The following CRADD variants were observed in gnomAD, a reference collection of about 807,000 sequenced individuals.
CRADD encodes the protein death domain-containing protein CRADD.
In CRADD, 9 loss-of-function variants were observed where a neutral mutation model predicts 15.5. That is an observed-to-expected ratio of 0.58 (90% CI 0.35 to 1.01). CRADD has a LOEUF of 1.01. Ranked by LOEUF, CRADD falls within the 50% of genes least tolerant of loss-of-function variation. The probability of loss-of-function intolerance (pLI) is 0.02; values close to 1 mark genes in which losing one functional copy is unlikely to be tolerated. For missense variants in CRADD, 227 were observed against 250.3 expected (o/e 0.91, Z 0.63); for synonymous variants, 118 against 107.6 (o/e 1.10, Z -0.60).
intron 2 of CRADD, among the ~76,000 whole-genome samples, chr12:93,860,803 C>T (rs369379279): frequency 7.9e-5 from 12 of 152,124 alleles, no homozygotes; most frequent in Admixed American, 6.5e-5. Context: ...ATGAAACCAG[C>T]GTAACCAATC....
chr12:93,791,695 C>T (rs915510033), intron 2 of CRADD, among the ~76,000 whole-genome samples: 2 of 151,932 alleles, frequency 1.3e-5, no homozygotes, highest in Non-Finnish European at 2.9e-5. Context: ...TATAAGTACA[C>T]GAGGTGATGG....
intron 2 of CRADD, among the ~76,000 whole-genome samples, chr12:93,822,441 G>T (rs966360662): frequency 2.0e-5 from 3 of 152,154 alleles, no homozygotes; most frequent in African/African-American, 4.8e-5. Flanking sequence ...CATCCTCTTT[G>T]TACCACAGTG....
chr12:93,786,358 T>C (rs1020145261), intron 2 of CRADD, among the ~76,000 whole-genome samples: 62 of 152,206 alleles, frequency 4.1e-4, no homozygotes, highest in African/African-American at 1.4e-3. Flanking sequence ...GCTTCAAGTT[T>C]CTTTATCTGT....
At chr12:93,847,709 T>C (rs963698055) in intron 2 of CRADD, among the ~76,000 whole-genome samples, 2 of 152,104 alleles carry the variant, frequency 1.3e-5, no homozygotes, top group Admixed American at 1.3e-4. Context: ...TAAAGAAATG[T>C]ATAACTATTA....
chr12:93,867,681 A>G (rs1451258186), intron 2 of CRADD, among the ~76,000 whole-genome samples: 1 of 152,272 alleles, frequency 6.6e-6, no homozygotes. Flanking sequence ...TAAATGAGGG[A>G]ATGTGAAAGG....
chr12:93,776,895 T>C (rs139118592), intron 2 of CRADD, among the ~76,000 whole-genome samples: 324 of 152,250 alleles, frequency 2.1e-3, no homozygotes, highest in African/African-American at 7.3e-3. Flanking sequence ...ATTTGGGAAA[T>C]GACTCCTGAT....
In CRADD at chr12:93,882,648, A is replaced by G. The variant is rs550272669; in HGVS notation, c.299-11402A>G. ...GTAACTCTCACTTTTCTTCTTAATC[A>G]CCCTTAAAATAAATGTGGCCTCTTT... On this transcript the variant is annotated intron_variant, in intron 2 of 2. Transcript: ENST00000548483. Among the ~76,000 whole-genome samples, 140 of 152,020 alleles carry G rather than the reference A, an allele frequency of 9.2e-4. 1 individual carries two copies. Among genetic ancestry groups the G allele is most frequent in the African/African-American group, 3.2e-3 (134 of 41,474 alleles).
At chr12:93,701,276 C>T (rs1040172636) in intron 2 of CRADD, among the ~76,000 whole-genome samples, 1 of 141,658 alleles carries the variant, frequency 7.1e-6, no homozygotes, top group African/African-American at 2.8e-5. Context: ...CCTCCATATC[C>T]TTCTCTCTCT....
At chr12:93,792,025 A>G (rs1002063197) in intron 2 of CRADD, among the ~76,000 whole-genome samples, 2 of 151,678 alleles carry the variant, frequency 1.3e-5, no homozygotes, top group Non-Finnish European at 2.9e-5. Context: ...AGAGATTCTG[A>G]TAAGAACTTT....
At chr12:93,879,854 A>G (rs551299427) in intron 2 of CRADD, among the ~76,000 whole-genome samples, 1 of 152,184 alleles carries the variant, frequency 6.6e-6, no homozygotes, top group African/African-American at 2.4e-5. Context: ...CACTTCGACT[A>G]TCTTGTCAAG....
At chr12:93,722,526 GT>G (rs1565887842) in intron 2 of CRADD, among the ~76,000 whole-genome samples, 1 of 151,712 alleles carries the variant, frequency 6.6e-6, no homozygotes, top group Non-Finnish European at 1.5e-5. Context: ...CTGTTTTTCA[GT>G]CTTTCTTCTC....
intron 2 of CRADD, among the ~76,000 whole-genome samples, chr12:93,768,101 T>G (rs1487338711): frequency 6.6e-6 from 1 of 152,214 alleles, no homozygotes; most frequent in Admixed American, 6.5e-5. Flanking sequence ...CCAATCGAAC[T>G]TACTGTAATT....
intron 2 of CRADD, among the ~76,000 whole-genome samples, chr12:93,890,501 C>T (rs1354409870): frequency 1.3e-5 from 2 of 152,244 alleles, no homozygotes; most frequent in Non-Finnish European, 2.9e-5. Context: ...GACACGCTCC[C>T]GCAGTCAGTT....
chr12:93,870,401 T>A (rs1378971070), intron 2 of CRADD, among the ~76,000 whole-genome samples: 2 of 152,050 alleles, frequency 1.3e-5, no homozygotes, highest in Admixed American at 6.5e-5. Flanking sequence ...ACTAAGAAAA[T>A]GAGGACGGGA....
intron 2 of CRADD, among the ~76,000 whole-genome samples, chr12:93,780,895 T>C (rs1339367956): frequency 6.7e-6 from 1 of 149,806 alleles, no homozygotes; most frequent in Non-Finnish European, 1.5e-5. Flanking sequence ...TACAGGCACA[T>C]GCCACCATGC....
At chr12:93,835,544 T>G (rs1274897466) in intron 2 of CRADD, among the ~76,000 whole-genome samples, 1 of 152,200 alleles carries the variant, frequency 6.6e-6, no homozygotes, top group African/African-American at 2.4e-5. Context: ...GCCTGGGTTC[T>G]CTACTTCAGG....
intron 2 of CRADD, among the ~76,000 whole-genome samples, chr12:93,705,668 TTAATG>T (rs1471251236): frequency 6.6e-6 from 1 of 152,246 alleles, no homozygotes; most frequent in Non-Finnish European, 1.5e-5. Flanking sequence ...TCTTTGGAAT[TTAATG>T]TGTCAGTAAT....
intron 2 of CRADD, among the ~76,000 whole-genome samples, chr12:93,886,798 CA>C (rs1958540760): frequency 6.6e-6 from 1 of 152,096 alleles, no homozygotes; most frequent in African/African-American, 2.4e-5. Context: ...CCCCTGCTAA[CA>C]GTGGAGATTT....
chr12:93,706,340 G>C (rs1319216292), intron 2 of CRADD, among the ~76,000 whole-genome samples: 2 of 152,198 alleles, frequency 1.3e-5, no homozygotes, highest in Non-Finnish European at 2.9e-5. Context: ...TTCATAGTAT[G>C]AAAAATGTGG....
Sources: gnomAD v4.1 joint callset for allele counts (sites outside exome capture counted in the v4.1 genomes callset) on GRCh38, gnomAD v4.1.1 for gene constraint, MANE v1.5 for transcripts, NCBI Gene and HGNC (gene_info 2026-07-23, HGNC 2026-07-21) for gene names.